The following CACNA1C variants were observed in gnomAD, a reference collection of about 807,000 sequenced individuals.
The protein encoded by CACNA1C is calcium voltage-gated channel subunit alpha1 C, also known as voltage-dependent L-type calcium channel subunit alpha-1C.
A neutral mutation model predicts 229.0 loss-of-function variants in CACNA1C; 30 were observed. The ratio of observed to expected loss-of-function variants is 0.13; its 90% CI spans 0.10 to 0.18. The LOEUF is 0.18. CACNA1C is among the 10% of genes least tolerant of loss of function. CACNA1C has a pLI of 1.00. For missense variants in CACNA1C, 1,658 were observed against 2,845.0 expected, an observed-to-expected ratio of 0.58 and a Z score of 9.49; for synonymous variants, 1,114 against 1,132.5, an observed-to-expected ratio of 0.98 and a Z score of 0.33.
At chr12:2,477,471 T>C (rs943026859) in intron 5 of CACNA1C, among the ~76,000 whole-genome samples, 2 of 152,190 alleles carry the variant, frequency 1.3e-5, no homozygotes, top group African/African-American at 2.4e-5. Context: ...CTCTGTCTTA[T>C]CTGCGAGTCA....
chr12:2,577,149 A>G (rs983912165), intron 13 of CACNA1C, among the ~76,000 whole-genome samples: 2 of 152,218 alleles, frequency 1.3e-5, no homozygotes, highest in African/African-American at 4.8e-5. Flanking sequence ...AATGGGAAGC[A>G]ACAGTAGGCT....
At position 2,387,536 on chromosome 12, in the gene CACNA1C, C is replaced by CGAAAGAAA. The variant is rs145897152; in HGVS notation, c.478-61422_478-61415dup. 1.9e-3 allele frequency among the ~76,000 whole-genome samples: 286 copies of CGAAAGAAA among 150,326 alleles called. 1 individual carries two copies. Among genetic ancestry groups the CGAAAGAAA allele is most frequent in the African/African-American group, 6.6e-3 (271 of 40,970 alleles). ...CAATGACTAATAAGTGAACTAAGAG[C>CGAAAGAAA]GAAAGAAAGAAAGAAAGAAAGAAAG... On this transcript the variant is annotated intron_variant, in intron 3 of 46. Transcript: ENST00000399655.
chr12:2,080,453 T>C (rs1235971802), intron 1 of CACNA1C, among the ~76,000 whole-genome samples: 1 of 151,510 alleles, frequency 6.6e-6, no homozygotes, highest in African/African-American at 2.4e-5. Context: ...TACAAAAAAT[T>C]AGCTGGACAT....
At chr12:2,154,911 G>T (rs976310014) in intron 3 of CACNA1C, among the ~76,000 whole-genome samples, 1 of 152,230 alleles carries the variant, frequency 6.6e-6, no homozygotes, top group Non-Finnish European at 1.5e-5. Context: ...GCTCCCCAAA[G>T]TGGGGTATTC....
Position 2,605,526 on chromosome 12 carries a change from C to A in CACNA1C, c.3049-153C>A, listed in dbSNP as rs544753392. ...GGGGGCCTTTGCATCCCATTAGGGT[C>A]CATCACTTCCCATGTGACTTTGGGA... On this transcript the variant is annotated intron_variant, in intron 23 of 46. Transcript: ENST00000399655. This position sits in a 1 kb window ranked among gnomAD's most constrained non-coding sequence, Gnocchi z 6.2. 2.6e-5 allele frequency among the ~76,000 whole-genome samples: 4 copies of A among 152,242 alleles called. No homozygotes were observed. The South Asian group carries it at 8.3e-4, about 32-fold the overall frequency.
intron 1 of CACNA1C, among the ~76,000 whole-genome samples, chr12:2,089,057 G>A (rs904639169): frequency 7.2e-5 from 11 of 152,132 alleles, no homozygotes; most frequent in African/African-American, 1.7e-4. Flanking sequence ...ACTTGAAGTG[G>A]TCCCTTGCTC....
intron 3 of CACNA1C, among the ~76,000 whole-genome samples, chr12:2,222,791 C>T (rs577864546): frequency 2.7e-4 from 41 of 152,322 alleles, no homozygotes; most frequent in Middle Eastern, 3.4e-3. Flanking sequence ...CTTTCTCATT[C>T]ACTGGAAAAC....
chr12:2,317,806 A>C (rs948315914), intron 3 of CACNA1C, among the ~76,000 whole-genome samples: 1 of 152,192 alleles, frequency 6.6e-6, no homozygotes, highest in Non-Finnish European at 1.5e-5. Flanking sequence ...GTGGGAACAC[A>C]GTCTGGGTGG....
chr12:2,277,687 C>A (rs990462683), intron 3 of CACNA1C, among the ~76,000 whole-genome samples: 3 of 152,166 alleles, frequency 2.0e-5, no homozygotes. Flanking sequence ...CTCAGCCAGG[C>A]AACATCCGAA....
At chr12:1,987,584 A>G (rs1191276600) in intron 1 of CACNA1C, among the ~76,000 whole-genome samples, 1 of 152,056 alleles carries the variant, frequency 6.6e-6, no homozygotes, top group African/African-American at 2.4e-5. Flanking sequence ...TCTGCTCTCC[A>G]TTTATTTCTC....
At chr12:2,006,237 G>A (rs2043421175) in intron 1 of CACNA1C, among the ~76,000 whole-genome samples, 1 of 151,880 alleles carries the variant, frequency 6.6e-6, no homozygotes, top group African/African-American at 2.4e-5. Flanking sequence ...GTGAAACCCC[G>A]TCTCTACTAA....
chr12:2,556,830 C>T (rs928622194), intron 10 of CACNA1C, 121 bp from the exon 11 acceptor site: 3 of 795,586 alleles, frequency 3.8e-6, no homozygotes, highest in Middle Eastern at 2.2e-4. Context: ...TCACACCATG[C>T]CTCCTTCCAG....
intron 3 of CACNA1C, among the ~76,000 whole-genome samples, chr12:2,411,363 T>C (rs916347466): frequency 2.0e-5 from 3 of 152,068 alleles, no homozygotes; most frequent in African/African-American, 7.2e-5. Flanking sequence ...GTGAAAGACC[T>C]GTTAGAATTA....
Position 2,300,582 on chromosome 12 carries a change from C to T in CACNA1C, c.478-148394C>T, listed in dbSNP as rs543862715. Among the ~76,000 whole-genome samples the T allele has an allele frequency of 3.9e-5, 6 of 152,266 alleles. No homozygotes were observed. The South Asian group carries it at 1.0e-3, about 26-fold the overall frequency. On this transcript the variant is annotated intron_variant, in intron 3 of 46. Transcript: ENST00000399655. ...TGGAGGCTGCAATGAGCTGTGATCGCACCACTGCACTCCAGCCTGGTGACA... is the reference window on the plus strand; with the variant it reads ...TGGAGGCTGCAATGAGCTGTGATCGTACCACTGCACTCCAGCCTGGTGACA...
In CACNA1C at chr12:2,346,743, G is replaced by A. The variant is rs1338167611; in HGVS notation, c.478-102233G>A. Among the ~76,000 whole-genome samples, 2 of 152,164 alleles carry A rather than the reference G, an allele frequency of 1.3e-5. No individual in the cohort carries two copies. Among genetic ancestry groups the A allele is most frequent in the African/African-American group, 4.8e-5 (2 of 41,438 alleles). On this transcript the variant is annotated intron_variant, in intron 3 of 46. Coordinates refer to ENST00000399655, the MANE Select transcript of CACNA1C (RefSeq NM_000719.7). This position sits in a 1 kb window ranked among gnomAD's most constrained non-coding sequence, Gnocchi z 4.4. ...AACATTTAGAAATCAGGAGTCAAAC[G>A]TGACTTGGACATTAAAACTTGATTT...
At chr12:2,228,902 T>G (rs560258300) in intron 3 of CACNA1C, among the ~76,000 whole-genome samples, 1 of 152,228 alleles carries the variant, frequency 6.6e-6, no homozygotes, top group Admixed American at 6.5e-5. Flanking sequence ...CAGTGAGTGA[T>G]TGAGATGGAG....
At chr12:2,277,077 T>C (rs898424679) in intron 3 of CACNA1C, among the ~76,000 whole-genome samples, 1 of 152,154 alleles carries the variant, frequency 6.6e-6, no homozygotes, top group Non-Finnish European at 1.5e-5. Flanking sequence ...TCAACTAATA[T>C]TAATAGCTGA....
At chr12:2,283,109 G>A (rs1439441440) in intron 3 of CACNA1C, among the ~76,000 whole-genome samples, 1 of 152,000 alleles carries the variant, frequency 6.6e-6, no homozygotes, top group South Asian at 2.1e-4. Context: ...GATCCCCTGG[G>A]AATCTTGTTA....
chr12:2,147,117 G>A (rs116539055), intron 3 of CACNA1C, among the ~76,000 whole-genome samples: 1,636 of 151,360 alleles, frequency 0.011, 52 homozygotes, highest in African/African-American at 0.037. Flanking sequence ...TAAATTCAGG[G>A]CTTAAGGGAT....
Sources: allele counts gnomAD v4.1 joint callset (sites outside exome capture counted in the v4.1 genomes callset), GRCh38; gene constraint gnomAD v4.1.1; non-coding constraint Gnocchi (gnomAD v3.1); transcripts MANE v1.5; gene names NCBI Gene and HGNC (gene_info 2026-07-23, HGNC 2026-07-21).